Variants in PDE7A observed in about 807,000 individuals in gnomAD.
The protein encoded by PDE7A is high affinity 3',5'-cyclic-AMP phosphodiesterase 7A.
A neutral mutation model predicts 64.3 loss-of-function variants in PDE7A; 39 were observed. That is an observed-to-expected ratio of 0.61 (90% CI 0.47 to 0.79). The LOEUF is 0.79. PDE7A is among the 30% of genes least tolerant of loss of function. The pLI, the probability that PDE7A is intolerant of heterozygous loss-of-function variation, is 0.00. For missense variants in PDE7A, 470 were observed against 582.8 expected, an observed-to-expected ratio of 0.81 and a Z score of 1.99; for synonymous variants, 203 against 206.8, an observed-to-expected ratio of 0.98 and a Z score of 0.16.
chr8:65,742,459 G>A (rs930801018), intron 5 of PDE7A, among the ~76,000 whole-genome samples: 3 of 152,176 alleles, frequency 2.0e-5, no homozygotes, highest in South Asian at 2.1e-4. Flanking sequence ...AGCTGGGAAC[G>A]ATTTGTCTTG....
chr8:65,760,437 C>A (rs1808433699), intron 3 of PDE7A, among the ~76,000 whole-genome samples: 2 of 152,026 alleles, frequency 1.3e-5, no homozygotes, highest in Admixed American at 1.3e-4. Flanking sequence ...TGTACACAAC[C>A]TAATAGATTC....
chr8:65,742,109 C>T (rs911915446), intron 5 of PDE7A, among the ~76,000 whole-genome samples: 4 of 152,134 alleles, frequency 2.6e-5, no homozygotes, highest in Non-Finnish European at 4.4e-5. Flanking sequence ...AAAAACCAGG[C>T]ACAGAAGAAC....
intron 1 of PDE7A, among the ~76,000 whole-genome samples, chr8:65,828,897 T>C (rs1229078090): frequency 1.3e-5 from 2 of 152,138 alleles, no homozygotes; most frequent in Non-Finnish European, 2.9e-5. Context: ...CTTGAGACTT[T>C]TGCTAATTTT....
At chr8:65,797,889 C>T (rs1809880662) in intron 1 of PDE7A, among the ~76,000 whole-genome samples, 1 of 150,350 alleles carries the variant, frequency 6.7e-6, no homozygotes, top group African/African-American at 2.4e-5. Context: ...AACATAAAGA[C>T]TAAAATAATA....
At chr8:65,820,133 C>T (rs181743580) in intron 1 of PDE7A, among the ~76,000 whole-genome samples, 2 of 152,226 alleles carry the variant, frequency 1.3e-5, no homozygotes, top group East Asian at 1.9e-4. Flanking sequence ...TGATGGCTCA[C>T]GCCTGTCATC....
At chr8:65,725,496 T>C (rs1014229016) in intron 9 of PDE7A, 1 of 154,132 alleles carries the variant, frequency 6.5e-6, no homozygotes, top group African/African-American at 2.4e-5. Context: ...AATATCCAAC[T>C]TTTCTGAAAG....
intron 7 of PDE7A, chr8:65,728,520 G>A (rs943487860): frequency 2.0e-5 from 3 of 152,124 alleles, no homozygotes; most frequent in Non-Finnish European, 2.9e-5. Context: ...CACGGAGAAG[G>A]TCAATGAATA....
intron 3 of PDE7A, among the ~76,000 whole-genome samples, chr8:65,769,685 C>A (rs762648817): frequency 2.0e-5 from 3 of 152,180 alleles, no homozygotes; most frequent in Non-Finnish European, 4.4e-5. Context: ...GACTTGAGGT[C>A]AGGAGTTTGA....
At chr8:65,738,982 T>TC (rs1448648730) in intron 6 of PDE7A, among the ~76,000 whole-genome samples, 5 of 152,186 alleles carry the variant, frequency 3.3e-5, no homozygotes, top group Non-Finnish European at 7.3e-5. Context: ...GTGTAGTGCA[T>TC]CCCTGGTCTG....
chr8:65,732,922 C>G lies in PDE7A; in HGVS notation c.696+1872G>C, dbSNP rs1320127712. 2.0e-5 allele frequency among the ~76,000 whole-genome samples: 3 copies of G among 152,044 alleles called. No homozygotes were observed. In the East Asian group the frequency reaches 5.8e-4, roughly 29 times the overall value. On this transcript the variant is annotated intron_variant, in intron 7 of 12. Coordinates refer to ENST00000401827, the MANE Select transcript of PDE7A (RefSeq NM_001242318.3). ...ATGAGGTCTTGCTATGTTGACCAGGCTGGTCTCAAACTCCTGGGCTCAAGC... is the reference window on the plus strand; with the variant it reads ...ATGAGGTCTTGCTATGTTGACCAGGGTGGTCTCAAACTCCTGGGCTCAAGC...
chr8:65,745,537 C>G, intron 4 of PDE7A, 67 bp from the exon 5 acceptor site: 1 of 853,032 alleles, frequency 1.2e-6, no homozygotes. Flanking sequence ...GGAGATATTC[C>G]ATAGAGAAGT....
intron 1 of PDE7A, among the ~76,000 whole-genome samples, chr8:65,833,568 C>T (rs1173368249): frequency 6.6e-6 from 1 of 152,164 alleles, no homozygotes; most frequent in Non-Finnish European, 1.5e-5. Context: ...TCTGGAAGTT[C>T]ATATAATACC....
At chr8:65,749,422 G>A (rs920844182) in intron 3 of PDE7A, among the ~76,000 whole-genome samples, 3 of 152,064 alleles carry the variant, frequency 2.0e-5, no homozygotes, top group African/African-American at 7.2e-5. Context: ...TTTCATTCCA[G>A]TGAGTAAAAT....
chr8:65,771,968 C>T (rs1809108087), intron 3 of PDE7A, among the ~76,000 whole-genome samples: 1 of 149,224 alleles, frequency 6.7e-6, no homozygotes, highest in African/African-American at 2.5e-5. Context: ...AGGAGAATAC[C>T]AGAACAACCT....
At chr8:65,818,976 A>G (rs75885357) in intron 1 of PDE7A, among the ~76,000 whole-genome samples, 8,699 of 152,334 alleles carry the variant, frequency 0.057, 358 homozygotes, top group Middle Eastern at 0.11. Flanking sequence ...GAATGTGAGT[A>G]GCCTCAAGCT....
At chr8:65,812,187 A>T (rs1436230093) in intron 1 of PDE7A, among the ~76,000 whole-genome samples, 1 of 151,568 alleles carries the variant, frequency 6.6e-6, no homozygotes, top group Non-Finnish European at 1.5e-5. Flanking sequence ...AGCCTGGGTG[A>T]CAGCGCGAGA....
intron 1 of PDE7A, among the ~76,000 whole-genome samples, chr8:65,834,214 T>C (rs562307035): frequency 6.6e-6 from 1 of 152,320 alleles, no homozygotes; most frequent in Non-Finnish European, 1.5e-5. Flanking sequence ...AACATGAAGA[T>C]GATGAGGTTC....
At chr8:65,731,353 G>T (rs1315174575) in intron 7 of PDE7A, among the ~76,000 whole-genome samples, 1 of 152,160 alleles carries the variant, frequency 6.6e-6, no homozygotes, top group Non-Finnish European at 1.5e-5. Context: ...CAACTGCCAG[G>T]GACAAGTAGA....
intron 1 of PDE7A, among the ~76,000 whole-genome samples, chr8:65,834,566 T>C (rs1050749025): frequency 2.0e-5 from 3 of 152,222 alleles, no homozygotes; most frequent in Admixed American, 2.0e-4. Context: ...GTACTTTATA[T>C]GGTCCTGAAC....
Sources: allele counts gnomAD v4.1 joint callset (sites outside exome capture counted in the v4.1 genomes callset), GRCh38; gene constraint gnomAD v4.1.1; transcripts MANE v1.5; gene names NCBI Gene and HGNC (gene_info 2026-07-23, HGNC 2026-07-21).